NRXN3: variants seen among roughly 807,000 people sequenced by gnomAD.
NRXN3 encodes the protein neurexin III.
NRXN3 carries 32 observed loss-of-function variants against 137.6 expected under a neutral mutation model. The ratio of observed to expected loss-of-function variants is 0.23; its 90% confidence interval spans 0.18 to 0.31. NRXN3 has a LOEUF of 0.31. Among genes scored for constraint, NRXN3 ranks in the 10% least tolerant of loss-of-function variants. NRXN3 has a pLI of 1.00. For synonymous variants in NRXN3, 798 were observed against 784.5 expected, an observed-to-expected ratio of 1.02 and a Z score of -0.29; for missense variants, 1,574 against 2,062.5, an observed-to-expected ratio of 0.76 and a Z score of 4.59.
chr14:78,645,074 C>T (rs2097673752), intron 4 of NRXN3, 46 bp from the exon 5 acceptor site: 1 of 1,479,380 alleles, frequency 6.8e-7, no homozygotes, highest in Non-Finnish European at 9.0e-7. Context: ...AGGTCTGACT[C>T]TTGCCAGACA....
intron 5 of NRXN3, among the ~76,000 whole-genome samples, chr14:78,650,842 T>G (rs529194991): frequency 2.0e-5 from 3 of 152,260 alleles, no homozygotes; most frequent in South Asian, 4.2e-4. Flanking sequence ...AGCAATGAAC[T>G]GAGACAAGTG....
chr14:79,438,876 A>G (rs557812872), intron 15 of NRXN3, among the ~76,000 whole-genome samples: 14 of 152,374 alleles, frequency 9.2e-5, no homozygotes, highest in African/African-American at 3.4e-4. Context: ...GACTTCACTT[A>G]TGCCCGGCTG....
chr14:79,769,635 G>C (rs1260038516), intron 19 of NRXN3, among the ~76,000 whole-genome samples: 1 of 152,016 alleles, frequency 6.6e-6, no homozygotes, highest in African/African-American at 2.4e-5. Context: ...GCTTAACATG[G>C]AAAGGAACAA....
intron 15 of NRXN3, among the ~76,000 whole-genome samples, chr14:79,120,128 A>AG (rs2055151549): frequency 6.6e-6 from 1 of 152,110 alleles, no homozygotes; most frequent in South Asian, 2.1e-4. Flanking sequence ...ATTATTATCA[A>AG]ATGGCCAGCG....
intron 15 of NRXN3, among the ~76,000 whole-genome samples, chr14:78,990,595 A>G (rs1308514188): frequency 6.6e-6 from 1 of 150,596 alleles, no homozygotes; most frequent in Non-Finnish European, 1.5e-5. Flanking sequence ...CTGGTCTTGA[A>G]CTCCTGACCT....
At chr14:78,837,327 T>A (rs2098999894) in intron 10 of NRXN3, among the ~76,000 whole-genome samples, 1 of 152,150 alleles carries the variant, frequency 6.6e-6, no homozygotes, top group African/African-American at 2.4e-5. Context: ...AAGGCCCTCT[T>A]TGTTGGCTTT....
intron 19 of NRXN3, among the ~76,000 whole-genome samples, chr14:79,702,676 C>T (rs1034257664): frequency 6.6e-6 from 1 of 151,896 alleles, no homozygotes; most frequent in African/African-American, 2.4e-5. Flanking sequence ...TGGGAGAGGG[C>T]CCAGAGGGGT....
chr14:78,602,223 A>G (rs1285690891), intron 4 of NRXN3, among the ~76,000 whole-genome samples: 1 of 145,274 alleles, frequency 6.9e-6, no homozygotes, highest in East Asian at 2.2e-4. Flanking sequence ...GAATACATGT[A>G]GGGTATATAG....
intron 4 of NRXN3, among the ~76,000 whole-genome samples, chr14:78,443,026 A>T (rs2094308416): frequency 6.6e-6 from 1 of 152,170 alleles, no homozygotes; most frequent in Non-Finnish European, 1.5e-5. Context: ...CATACAGCAG[A>T]TGTGGTTGGG....
rs189337832 is a variant in NRXN3, at chr14:79,153,203, A to G, written c.3262+165062A>G. On this transcript the variant is annotated intron_variant, in intron 15 of 20. Transcript: ENST00000335750. ...CCTACCAACTGACCTGTATCAGCCTAACTGCAATGTATCTGTCTAAAGCTG... is the reference window on the plus strand; with the variant it reads ...CCTACCAACTGACCTGTATCAGCCTGACTGCAATGTATCTGTCTAAAGCTG... Among the ~76,000 whole-genome samples, 386 of 151,690 alleles carry G rather than the reference A, an allele frequency of 2.5e-3. 1 individual carries two copies. The highest frequency in any genetic ancestry group is 8.8e-3 in the African/African-American group (367 of 41,526).
At chr14:78,654,385 T>C (rs922082734) in intron 6 of NRXN3, among the ~76,000 whole-genome samples, 3 of 152,260 alleles carry the variant, frequency 2.0e-5, no homozygotes, top group African/African-American at 7.2e-5. Context: ...AAGGTGATTT[T>C]ATGTGTAATT....
intron 20 of NRXN3, among the ~76,000 whole-genome samples, chr14:79,811,581 C>CTTTTTTTTTTTTTTTTTT (rs370942970): frequency 2.6e-5 from 3 of 116,612 alleles, no homozygotes; most frequent in Admixed American, 1.0e-4. Context: ...TTTCTTTTTT[C>CTTTTTTTTTTTTTTTTTT]TTTTTTTTTT....
At chr14:78,223,222 C>T (rs1404610094) in intron 1 of NRXN3, among the ~76,000 whole-genome samples, 1 of 152,198 alleles carries the variant, frequency 6.6e-6, no homozygotes, top group Non-Finnish European at 1.5e-5. Flanking sequence ...ATTCAGATTT[C>T]TTTCCTACAA....
At chr14:78,348,992 A>G (rs2083124597) in intron 4 of NRXN3, among the ~76,000 whole-genome samples, 2 of 152,192 alleles carry the variant, frequency 1.3e-5, no homozygotes, top group Admixed American at 1.3e-4. Flanking sequence ...TTTATTAACC[A>G]AGAGCAACTT....
chr14:78,611,950 A>G (rs145348027), intron 4 of NRXN3, among the ~76,000 whole-genome samples: 13 of 152,224 alleles, frequency 8.5e-5, no homozygotes, highest in Non-Finnish European at 5.9e-5. Context: ...TAAACCCAAG[A>G]CGTCTATCTG....
chr14:79,486,960 T>TCTCTCTCTCTCTCTCTCTCC (rs1365006345), intron 16 of NRXN3, among the ~76,000 whole-genome samples: 5 of 112,102 alleles, frequency 4.5e-5, no homozygotes, highest in African/African-American at 1.8e-4. Flanking sequence ...TCTCTCTCTC[T>TCTCTCTCTCTCTCTCTCTCC]CCCACACACA....
chr14:78,459,320 T>C (rs913762600), intron 4 of NRXN3, among the ~76,000 whole-genome samples: 6 of 152,180 alleles, frequency 3.9e-5, no homozygotes, highest in Non-Finnish European at 5.9e-5. Flanking sequence ...AGTTAAGGCC[T>C]GCCTGGCTGT....
Position 79,775,555 on chromosome 14 carries a change from A to G in NRXN3, c.4015-29557A>G, listed in dbSNP as rs2099094259. 2.4e-5 allele frequency among the ~76,000 whole-genome samples: 3 copies of G among 122,944 alleles called. No individual in the cohort carries two copies. The South Asian group carries it at 7.3e-4, about 30-fold the overall frequency. 80.7% of individuals were successfully genotyped at this position (122,944 alleles called of 152,430 possible). A position where few individuals can be genotyped will look rare whatever the true frequency, so the allele number is the denominator to read the frequency against. ...CTCTAGAGGATTGGGCTCTAACCGAAAAAAAAAAAAAAAAAAAAGGAGAAT... is the reference window on the plus strand; with the variant it reads ...CTCTAGAGGATTGGGCTCTAACCGAGAAAAAAAAAAAAAAAAAAGGAGAAT... On this transcript the variant is annotated intron_variant, in intron 19 of 20. Transcript: ENST00000335750.
At chr14:79,453,858 T>C (rs776037458) in intron 15 of NRXN3, among the ~76,000 whole-genome samples, 1 of 152,204 alleles carries the variant, frequency 6.6e-6, no homozygotes, top group Non-Finnish European at 1.5e-5. Flanking sequence ...TCATATCTGC[T>C]TCCCCTGATT....
Sources: gnomAD v4.1 joint callset for allele counts (sites outside exome capture counted in the v4.1 genomes callset) on GRCh38, gnomAD v4.1.1 for gene constraint, MANE v1.5 for transcripts, NCBI Gene and HGNC (gene_info 2026-07-23, HGNC 2026-07-21) for gene names.